KHDC1L: variants seen among roughly 807,000 people sequenced by gnomAD.
The protein encoded by KHDC1L is KH domain containing 1 like.
KHDC1L carries 5 observed loss-of-function variants against 11.2 expected under a neutral mutation model. That is an observed-to-expected ratio of 0.45 (90% confidence interval 0.23 to 0.94). KHDC1L has a LOEUF of 0.94. Ranked by LOEUF, KHDC1L falls within the 40% of genes least tolerant of loss-of-function variation. KHDC1L has a pLI of 0.22. For missense variants in KHDC1L, 168 were observed against 165.8 expected (o/e 1.01, Z -0.07); for synonymous variants, 66 against 62.7 (o/e 1.05, Z -0.25).
intron 1 of KHDC1L, among the ~76,000 whole-genome samples, chr6:73,224,665 C>A (rs1427990844): frequency 4.2e-5 from 6 of 143,968 alleles, no homozygotes; most frequent in African/African-American, 7.7e-5. Flanking sequence ...AGTCCCAGCT[C>A]CTCGGGAGGC....
rs1766347465 is a variant in KHDC1L, at chr6:73,225,373, C to G, written c.36G>C (p.Pro12=). The G allele has an allele frequency of 6.2e-7, 1 of 1,613,998 alleles. No individual in the cohort carries two copies. Among genetic ancestry groups the G allele is most frequent in the African/African-American group, 1.3e-5 (1 of 74,950 alleles). ...GAAAGTTTTCGGGCAGGGTCCACCACGGCTCCTTGCTGAGAGCACTCGTTC... is the reference window on the plus strand; with the variant it reads ...GAAAGTTTTCGGGCAGGGTCCACCAGGGCTCCTTGCTGAGAGCACTCGTTC... ...AVGTSALSKE[P]WWTLPENFHS... Residue 12 remains proline (P), a synonymous_variant, in exon 1 of 3, where the codon CCG becomes CCC. Transcript: ENST00000370388.
chr6:73,224,150 G>C lies in KHDC1L; in HGVS notation c.295+16C>G, dbSNP rs775138646. ...ATCAAGCCCTCCACCTCCACAGTTC[G>C]GCCAAGGATACCTACCTCGAGCGTG... On this transcript the variant is annotated intron_variant, in intron 2 of 2. Transcript: ENST00000370388. The C allele has an allele frequency of 3.3e-6, 5 of 1,537,864 alleles. No homozygotes were observed. Among genetic ancestry groups the C allele is most frequent in the Non-Finnish European group, 3.5e-6 (4 of 1,140,540 alleles).
intron 1 of KHDC1L, 122 bp from the exon 2 acceptor site, chr6:73,224,470 T>TCGAGAAGGGGATGAAGGAGGCC: frequency 1.2e-6 from 1 of 840,974 alleles, no homozygotes; most frequent in Non-Finnish European, 1.8e-6. Flanking sequence ...AGATTGAAAA[T>TCGAGAAGGGGATGAAGGAGGCC]CGAGAAGGGG....
chr6:73,224,327 C>A lies in KHDC1L; in HGVS notation c.134G>T (p.Arg45Leu). Residue 45 changes from arginine (R) to leucine (L), a missense_variant, in exon 2 of 3, where the codon CGC becomes CTC. Coordinates refer to ENST00000370388, the MANE Select transcript of KHDC1L (RefSeq NM_001126063.3). ...GGTGTGGCTGTGCAGCTCAATGCAGCGAAGGTACGTGTCATCAAGTCCTGT... is the reference window on the plus strand; with the variant it reads ...GGTGTGGCTGTGCAGCTCAATGCAGAGAAGGTACGTGTCATCAAGTCCTGT... The part of the protein sequence containing the change: ...LIFGLDDTYL[R>L]CIELHSHTLI... 1 of 1,585,986 alleles carries A rather than the reference C, an allele frequency of 6.3e-7. No homozygotes were observed.
intron 2 of KHDC1L, 46 bp downstream of exon 2, chr6:73,224,120 C>T (rs745371455): frequency 6.7e-7 from 1 of 1,500,958 alleles, no homozygotes; most frequent in Admixed American, 2.2e-5. Context: ...AGCCAGAACT[C>T]CACCATCAAG....
At chr6:73,224,098 G>C (rs1766312253) in intron 2 of KHDC1L, 68 bp downstream of exon 2, 2 of 1,459,894 alleles carry the variant, frequency 1.4e-6, no homozygotes. Flanking sequence ...AATCCAAGAT[G>C]CCACACAACA....
intron 1 of KHDC1L, among the ~76,000 whole-genome samples, chr6:73,224,646 G>A (rs1219905690): frequency 6.6e-6 from 1 of 151,666 alleles, no homozygotes; most frequent in Non-Finnish European, 1.5e-5. Flanking sequence ...CGTGGTGGCA[G>A]GCGCCTGTAG....
At position 73,223,825 on chromosome 6, in the gene KHDC1L, C is replaced by G; in HGVS notation, c.310G>C (p.Glu104Gln). 2 of 1,598,052 alleles carry G rather than the reference C, an allele frequency of 1.3e-6. No individual in the cohort carries two copies. The highest frequency in any genetic ancestry group is 1.7e-6 in the Non-Finnish European group (2 of 1,172,182). The change falls in exon 3 of 3, where the codon GAG becomes CAG. Residue 104 changes from glutamate (E) to glutamine (Q), a missense_variant. Glu to Gln is a conservative substitution (Grantham distance 29). Coordinates refer to ENST00000370388, the MANE Select transcript of KHDC1L (RefSeq NM_001126063.3). ...GTCAGGGGCTGGCTTCGGACACGCT[C>G]TAGCATCTTCAGACCTGCAAAAGAA... is the stretch of plus-strand genomic sequence containing the variant. ...KCHARGLKML[E>Q]RVRSQPLTND...
chr6:73,224,789 A>C (rs868669079), intron 1 of KHDC1L, among the ~76,000 whole-genome samples: 3 of 145,642 alleles, frequency 2.1e-5, no homozygotes, highest in Middle Eastern at 3.7e-3. Context: ...AAAAAAAAAA[A>C]AAAAACACGA....
rs747202265 is a variant in KHDC1L at position 73,223,843 on chromosome 6, C to T, written c.296-4G>A. 1.3e-6 allele frequency: 2 copies of T among 1,582,306 alleles called. No homozygotes were observed. The highest frequency in any genetic ancestry group is 1.7e-6 in the Non-Finnish European group (2 of 1,163,466). The stretch of plus-strand genomic sequence containing the variant: ...ACACGCTCTAGCATCTTCAGACCTG[C>T]AAAAGAATTGCCTGGAGCTGAAGAA... On this transcript the variant is annotated splice_polypyrimidine_tract_variant and splice_region_variant and intron_variant, in intron 2 of 2. Transcript: ENST00000370388.
chr6:73,225,435 G>A lies in KHDC1L; in HGVS notation c.-27C>T, dbSNP rs777514591. ...CTGTGCTCCCACCTGATTCAGAATA[G>A]GGGAAAGTCTAACAAACTGGTTGGC... On this transcript the variant is annotated 5_prime_UTR_variant, in exon 1 of 3. Coordinates refer to ENST00000370388, the MANE Select transcript of KHDC1L (RefSeq NM_001126063.3). 55 of 1,557,952 alleles carry A rather than the reference G, an allele frequency of 3.5e-5. 1 individual carries two copies. In the Admixed American group the frequency reaches 8.7e-4, roughly 25 times the overall value.
Position 73,223,762 on chromosome 6 carries a change from A to G in KHDC1L, c.373T>C (p.Tyr125His), listed in dbSNP as rs938545408. 4 of 1,606,964 alleles carry G rather than the reference A, an allele frequency of 2.5e-6. No individual in the cohort carries two copies. In the Admixed American group the frequency reaches 5.1e-5, roughly 20 times the overall value. Residue 125 changes from tyrosine (Y) to histidine (H), a missense_variant, in exon 3 of 3, where the codon TAC (tyrosine) becomes CAC (histidine). Transcript: ENST00000370388. ...DLVTSVSLPP[Y>H]TGD Reference sequence around the variant, plus strand: ...CCCAGGGGAGATCAGTCTCCGGTGTACGGTGGCAGGCTAACGGAGGTGACC... The same window carrying G: ...CCCAGGGGAGATCAGTCTCCGGTGTGCGGTGGCAGGCTAACGGAGGTGACC...
intron 1 of KHDC1L, 142 bp from the exon 2 acceptor site, chr6:73,224,490 G>C: frequency 4.3e-6 from 3 of 698,850 alleles, no homozygotes; most frequent in Non-Finnish European, 6.9e-6. Flanking sequence ...GATGAAGGAG[G>C]CCGGCCTAGC....
Position 73,223,718 on chromosome 6 carries a change from TCTC to T in KHDC1L, c.*27_*29del, listed in dbSNP as rs746692409. 9.0e-6 allele frequency: 14 copies of T among 1,559,754 alleles called. No homozygotes were observed. In the Admixed American group the frequency reaches 9.2e-5, roughly 10 times the overall value. On this transcript the variant is annotated 3_prime_UTR_variant, in exon 3 of 3. Transcript: ENST00000370388. Reference sequence around the variant, plus strand: ...TCTCACCAAAAGCGAAGCCAAGACTTCTCCTCTCATCCCCTCTTCCCAGGGGAG... The same window carrying T: ...TCTCACCAAAAGCGAAGCCAAGACTTCTCTCATCCCCTCTTCCCAGGGGAG...
rs764292411 is a variant in KHDC1L at position 73,225,400 on chromosome 6, C to T, written c.9G>A (p.Val3=). The T allele has an allele frequency of 5.0e-6, 8 of 1,613,066 alleles. No homozygotes were observed. Among genetic ancestry groups the T allele is most frequent in the Non-Finnish European group, 6.8e-6 (8 of 1,179,230 alleles). The part of the protein sequence containing the change: MA[V]GTSALSKEPW... ...GCTCCTTGCTGAGAGCACTCGTTCC[C>T]ACGGCCATGCTGTGCTCCCACCTGA... Residue 3 remains valine, a synonymous_variant, in exon 1 of 3, where the codon GTG becomes GTA. Transcript: ENST00000370388.
In KHDC1L at chr6:73,223,751, G is replaced by A. The variant is rs1171044226; in HGVS notation, c.384C>T (p.Asp128=). The A allele has an allele frequency of 6.2e-7, 1 of 1,603,806 alleles. No homozygotes were observed. Among genetic ancestry groups the A allele is most frequent in the East Asian group, 2.2e-5 (1 of 44,648 alleles). Residue 128 remains aspartate, a synonymous_variant, in exon 3 of 3, where the codon GAC becomes GAT. Transcript: ENST00000370388. ...CATCCCCTCTTCCCAGGGGAGATCAGTCTCCGGTGTACGGTGGCAGGCTAA... is the reference window on the plus strand; with the variant it reads ...CATCCCCTCTTCCCAGGGGAGATCAATCTCCGGTGTACGGTGGCAGGCTAA... ...TSVSLPPYTG[D]
At chr6:73,223,943 C>A in intron 2 of KHDC1L, 104 bp from the exon 3 acceptor site, 1 of 1,066,076 alleles carries the variant, frequency 9.4e-7, no homozygotes, top group Non-Finnish European at 1.4e-6. Flanking sequence ...GTCACCCCAG[C>A]CCAGGTCTTC....
In KHDC1L at chr6:73,225,495, C is replaced by T; in HGVS notation, c.-87G>A. ...GGAAAAGCGAGGAAGGGCCTAGGCT[C>T]TGTCCTTAAAAAGGGTTGTCCTTAA... On this transcript the variant is annotated 5_prime_UTR_variant, in exon 1 of 3. Coordinates refer to ENST00000370388, the MANE Select transcript of KHDC1L (RefSeq NM_001126063.3). The T allele has an allele frequency of 2.1e-6, 2 of 954,036 alleles. No homozygotes were observed. The highest frequency in any genetic ancestry group is 3.3e-6 in the Non-Finnish European group (2 of 611,266). 59.1% of individuals were successfully genotyped at this position (954,036 alleles called of 1,614,324 possible). A position where few individuals can be genotyped will look rare whatever the true frequency, so the allele number is the denominator to read the frequency against.
intron 1 of KHDC1L, among the ~76,000 whole-genome samples, chr6:73,224,771 CAAA>C (rs3044250): frequency 0.085 from 3,457 of 40,676 alleles, 47 homozygotes; most frequent in East Asian, 0.21. Context: ...GATTCCATAT[CAAA>C]AAAAAAAAAA....
Sources: allele counts gnomAD v4.1 joint callset (sites outside exome capture counted in the v4.1 genomes callset), GRCh38; gene constraint gnomAD v4.1.1; transcripts MANE v1.5; gene names NCBI Gene and HGNC (gene_info 2026-07-23, HGNC 2026-07-21).